NAALADL2: variants seen among roughly 807,000 people sequenced by gnomAD.
NAALADL2 encodes the protein inactive N-acetylated-alpha-linked acidic dipeptidase-like protein 2.
In NAALADL2, 76 loss-of-function variants were observed where a neutral mutation model predicts 87.2. The observed-to-expected ratio is 0.87, with a 90% CI of 0.72 to 1.05. The LOEUF (loss-of-function observed/expected upper bound fraction) is 1.05, where lower values mean the gene tolerates loss of function less well. NAALADL2 is among the 50% of genes least tolerant of loss of function. NAALADL2 has a pLI of 0.00. For synonymous variants in NAALADL2, 354 were observed against 331.0 expected, an observed-to-expected ratio of 1.07 and a Z score of -0.75; for missense variants, 1,089 against 945.8, an observed-to-expected ratio of 1.15 and a Z score of -1.99.
At chr3:175,776,438 T>A (rs1017881029) in intron 13 of NAALADL2, 4 of 152,160 alleles carry the variant, frequency 2.6e-5, no homozygotes, top group African/African-American at 9.7e-5. Flanking sequence ...GAGTCTTTTT[T>A]TCCCCCCAGT....
chr3:174,690,974 T>G (rs1296287422), intron 2 of NAALADL2, among the ~76,000 whole-genome samples: 1 of 152,214 alleles, frequency 6.6e-6, no homozygotes, highest in Admixed American at 6.5e-5. Context: ...TAATTAAAAT[T>G]GACTTTGCTT....
rs764812584 is a variant in NAALADL2 at position 174,893,453 on chromosome 3, A to G, written c.43+34003A>G. ...AACTATTATAATTCTAAGTAGAAAG[A>G]CTAAATGAGGAACCAATCAAAAATA... is the stretch of plus-strand genomic sequence containing the variant. On this transcript the variant is annotated intron_variant, in intron 1 of 13. Coordinates refer to ENST00000454872, the MANE Select transcript of NAALADL2 (RefSeq NM_207015.3). 1.0e-3 allele frequency among the ~76,000 whole-genome samples: 158 copies of G among 152,320 alleles called. 1 individual carries two copies. The highest frequency in any genetic ancestry group is 1.1e-3 in the Non-Finnish European group (75 of 68,032).
chr3:174,785,430 T>G (rs1665625455), intron 3 of NAALADL2, among the ~76,000 whole-genome samples: 1 of 152,174 alleles, frequency 6.6e-6, no homozygotes, highest in Admixed American at 6.5e-5. Flanking sequence ...TTTGTCAAAT[T>G]TGTTGAAGAT....
chr3:174,635,684 G>C (rs58930255), intron 2 of NAALADL2, among the ~76,000 whole-genome samples: 25,453 of 151,892 alleles, frequency 0.17, 2,238 homozygotes, highest in South Asian at 0.3. Flanking sequence ...TGTATTTTTA[G>C]TAGAGACGGG....
In NAALADL2 at chr3:174,451,843, GTTTTTT is replaced by G. The variant is rs764587503; in HGVS notation, c.-184+10835_-184+10840del. On this transcript the variant is annotated intron_variant, in intron 1 of 3. Transcript: ENST00000434257. ...TAATGTAGTGCTAAGGATAGTGGGA[GTTTTTT>G]TTTTTTTTTTTTTTTTTTTTTTTGA... Among the ~76,000 whole-genome samples the G allele has an allele frequency of 9.1e-4, 89 of 98,054 alleles. 1 individual carries two copies. The highest frequency in any genetic ancestry group is 5.1e-3 in the East Asian group (16 of 3,108). The allele number at this position is 98,054 out of a possible 152,430, so 64.3% of individuals were successfully genotyped here. A position where few individuals can be genotyped will look rare whatever the true frequency, so the allele number is the denominator to read the frequency against.
At chr3:174,676,342 A>G (rs539547132) in intron 2 of NAALADL2, among the ~76,000 whole-genome samples, 5 of 152,200 alleles carry the variant, frequency 3.3e-5, no homozygotes, top group Non-Finnish European at 7.4e-5. Flanking sequence ...AATTAGTTCA[A>G]CCATTTTATA....
At chr3:174,848,713 T>A (rs1341727483) in intron 3 of NAALADL2, among the ~76,000 whole-genome samples, 1 of 152,204 alleles carries the variant, frequency 6.6e-6, no homozygotes, top group Non-Finnish European at 1.5e-5. Flanking sequence ...TGTTTTAAAC[T>A]ACAGTCATGC....
intron 10 of NAALADL2, among the ~76,000 whole-genome samples, chr3:175,615,082 A>G (rs769372450): frequency 6.6e-6 from 1 of 152,184 alleles, no homozygotes; most frequent in Non-Finnish European, 1.5e-5. Context: ...ACACAACTTC[A>G]GGAAAAAGGA....
chr3:175,571,175 A>G (rs368857541), intron 9 of NAALADL2, among the ~76,000 whole-genome samples: 3 of 152,162 alleles, frequency 2.0e-5, no homozygotes, highest in African/African-American at 4.8e-5. Context: ...CATTTACTAT[A>G]AAGTTTTGCC....
At chr3:175,014,561 A>G (rs1234860857) in intron 1 of NAALADL2, among the ~76,000 whole-genome samples, 1 of 152,170 alleles carries the variant, frequency 6.6e-6, no homozygotes, top group Admixed American at 6.6e-5. Flanking sequence ...GATGCAAACC[A>G]TTTGGACATG....
chr3:174,929,335 A>G (rs1414748859), intron 1 of NAALADL2, among the ~76,000 whole-genome samples: 1 of 152,192 alleles, frequency 6.6e-6, no homozygotes, highest in Non-Finnish European at 1.5e-5. Flanking sequence ...AATGATTCTC[A>G]CTGCTGTATC....
At chr3:174,548,961 C>T (rs1711751229) in intron 1 of NAALADL2, among the ~76,000 whole-genome samples, 1 of 152,196 alleles carries the variant, frequency 6.6e-6, no homozygotes, top group East Asian at 1.9e-4. Flanking sequence ...CCACCTCAGC[C>T]TCCCGAGTAG....
chr3:175,013,297 A>T (rs200348680), intron 1 of NAALADL2, among the ~76,000 whole-genome samples: 11,322 of 77,246 alleles, frequency 0.15, 1,200 homozygotes, highest in African/African-American at 0.32. Context: ...ATATATATAT[A>T]TATATTTTTT....
chr3:175,059,803 C>A, intron 1 of NAALADL2: 1 of 306,698 alleles, frequency 3.3e-6, no homozygotes, highest in East Asian at 9.8e-5. Context: ...CGTATTTGCC[C>A]AAAGGTTTCT....
intron 3 of NAALADL2, among the ~76,000 whole-genome samples, chr3:174,845,657 G>T (rs140475131): frequency 2.0e-5 from 3 of 152,318 alleles, no homozygotes; most frequent in East Asian, 3.9e-4. Context: ...ATGGGGCAAG[G>T]CCTCCTTTAA....
intron 2 of NAALADL2, among the ~76,000 whole-genome samples, chr3:174,714,158 A>G (rs1373533088): frequency 6.6e-5 from 10 of 152,080 alleles, no homozygotes; most frequent in Admixed American, 6.6e-4. Flanking sequence ...CCATTGGTCT[A>G]TATCTCTATT....
intron 2 of NAALADL2, among the ~76,000 whole-genome samples, chr3:174,558,489 A>G (rs1713144928): frequency 6.6e-6 from 1 of 152,120 alleles, no homozygotes. Flanking sequence ...AGACGGTCCC[A>G]TCTGGGGGTG....
intron 9 of NAALADL2, among the ~76,000 whole-genome samples, chr3:175,499,892 G>A (rs1729309264): frequency 3.3e-5 from 5 of 152,004 alleles, no homozygotes; most frequent in Admixed American, 2.6e-4. Context: ...ATGGGTCTGA[G>A]TAGAGTCTAA....
chr3:174,971,848 C>T (rs1413122990), intron 1 of NAALADL2, among the ~76,000 whole-genome samples: 1 of 152,056 alleles, frequency 6.6e-6, no homozygotes, highest in Non-Finnish European at 1.5e-5. Context: ...CAGGCACATG[C>T]CACGACGCCC....
Sources: gnomAD v4.1 joint callset for allele counts (sites outside exome capture counted in the v4.1 genomes callset) on GRCh38, gnomAD v4.1.1 for gene constraint, MANE v1.5 for transcripts, NCBI Gene and HGNC (gene_info 2026-07-23, HGNC 2026-07-21) for gene names.